Variants in FOXP2 observed in about 807,000 individuals in gnomAD.
FOXP2 encodes the protein forkhead box P2, also known as forkhead box protein P2.
A neutral mutation model predicts 115.8 loss-of-function variants in FOXP2; 12 were observed. The ratio of observed to expected loss-of-function variants is 0.10; its 90% CI spans 0.07 to 0.17. The LOEUF is 0.17. Among genes scored for constraint, FOXP2 ranks in the 10% least tolerant of loss-of-function variants. The pLI is 1.00. For synonymous variants in FOXP2, 328 were observed against 297.7 expected, an observed-to-expected ratio of 1.10 and a Z score of -1.05; for missense variants, 629 against 843.5, an observed-to-expected ratio of 0.75 and a Z score of 3.15.
chr7:114,443,429 A>G (rs186208330), intron 2 of FOXP2, among the ~76,000 whole-genome samples: 57 of 151,942 alleles, frequency 3.8e-4, no homozygotes, highest in African/African-American at 1.4e-3. Flanking sequence ...GTTTTTTTTT[A>G]AAGTTTTATT....
At position 114,691,190 on chromosome 7, in the gene FOXP2, G is replaced by A; in HGVS notation, c.*1264G>A. On this transcript the variant is annotated 3_prime_UTR_variant, in exon 17 of 17. Transcript: ENST00000350908. ...CATTCAGTCAGTTATTTTCAGTGGT[G>A]AATACATGTTGTTAGAAGATGTCTT... 2.2e-6 allele frequency: 1 copy of A among 453,944 alleles called. No homozygotes were observed. Among genetic ancestry groups the A allele is most frequent in the South Asian group, 1.6e-5 (1 of 64,460 alleles). The allele number at this position is 453,944 out of a possible 1,614,324, so 28.1% of individuals were successfully genotyped here. A position where few individuals can be genotyped will look rare whatever the true frequency, so the allele number is the denominator to read the frequency against.
intron 8 of FOXP2, among the ~76,000 whole-genome samples, chr7:114,649,933 T>C (rs1277010194): frequency 6.6e-6 from 1 of 152,100 alleles, no homozygotes; most frequent in African/African-American, 2.4e-5. Flanking sequence ...TTGTCACCAA[T>C]GATAATTTAG....
intron 2 of FOXP2, among the ~76,000 whole-genome samples, chr7:114,353,041 T>C (rs902680493): frequency 6.6e-6 from 1 of 152,038 alleles, no homozygotes; most frequent in African/African-American, 2.4e-5. Context: ...CTAATTCCTA[T>C]CAAATGGGAT....
chr7:114,337,832 T>A (rs1797896837), intron 2 of FOXP2, among the ~76,000 whole-genome samples: 1 of 151,292 alleles, frequency 6.6e-6, no homozygotes, highest in Non-Finnish European at 1.5e-5. Context: ...CTCGTTTGCA[T>A]GTTAATCACA....
chr7:114,472,737 A>T (rs768583202), intron 2 of FOXP2, among the ~76,000 whole-genome samples: 1 of 152,150 alleles, frequency 6.6e-6, no homozygotes, highest in Non-Finnish European at 1.5e-5. Context: ...TGCTTTTAAG[A>T]TTTAGTTCAG....
intron 2 of FOXP2, among the ~76,000 whole-genome samples, chr7:114,476,603 G>T (rs538605040): frequency 2.4e-4 from 36 of 151,892 alleles, no homozygotes; most frequent in Non-Finnish European, 7.4e-5. Context: ...GGCTATTCAG[G>T]CTCTTTTTTT....
chr7:114,222,110 T>C lies in FOXP2; in HGVS notation c.-102+59022T>C, dbSNP rs549815378. On this transcript the variant is annotated intron_variant, in intron 1 of 17. Transcript: ENST00000634411. ...AGAGAAATGATCTTCAAGCACAGTATAGTTGTTTGATAGTAATCCTGAATG... is the reference window on the plus strand; with the variant it reads ...AGAGAAATGATCTTCAAGCACAGTACAGTTGTTTGATAGTAATCCTGAATG... 2.6e-5 allele frequency among the ~76,000 whole-genome samples: 4 copies of C among 152,264 alleles called. No homozygotes were observed. The South Asian group carries it at 6.2e-4, about 24-fold the overall frequency.
chr7:114,481,978 T>C (rs1429795231), intron 2 of FOXP2, among the ~76,000 whole-genome samples: 1 of 151,306 alleles, frequency 6.6e-6, no homozygotes, highest in East Asian at 1.9e-4. Context: ...GCACTATGGC[T>C]TGTGTTCTGA....
intron 2 of FOXP2, among the ~76,000 whole-genome samples, chr7:114,491,095 T>A (rs983551175): frequency 2.0e-5 from 3 of 152,212 alleles, no homozygotes; most frequent in African/African-American, 7.2e-5. Context: ...ACTTCCACAA[T>A]GGTTGAACTA....
chr7:114,672,108 G>A (rs978481675), intron 16 of FOXP2, among the ~76,000 whole-genome samples: 4 of 152,068 alleles, frequency 2.6e-5, no homozygotes, highest in Non-Finnish European at 2.9e-5. Context: ...CATTATCTTC[G>A]TTTTGAAGAC....
At chr7:114,251,179 A>G (rs1795432412) in intron 1 of FOXP2, among the ~76,000 whole-genome samples, 3 of 151,704 alleles carry the variant, frequency 2.0e-5, no homozygotes. Flanking sequence ...TACCAGTACC[A>G]TGCTGTTTTG....
chr7:114,376,765 T>C (rs962238597), intron 2 of FOXP2, among the ~76,000 whole-genome samples: 1 of 152,200 alleles, frequency 6.6e-6, no homozygotes, highest in Non-Finnish European at 1.5e-5. Context: ...GATAACCTAT[T>C]GCCTTTGCAA....
chr7:114,132,582 T>TGA (rs35572133), intron 1 of FOXP2, among the ~76,000 whole-genome samples: 30 of 55,988 alleles, frequency 5.4e-4, no homozygotes, highest in African/African-American at 2.0e-3. Context: ...TGTGTGTGTG[T>TGA]GAGAGAGAGA....
chr7:114,404,607 C>G (rs1170381363), intron 2 of FOXP2, among the ~76,000 whole-genome samples: 1 of 152,002 alleles, frequency 6.6e-6, no homozygotes, highest in Admixed American at 6.5e-5. Context: ...ATCAAAATCG[C>G]CTTTTTAAAA....
At chr7:114,249,748 T>G (rs140362804) in intron 1 of FOXP2, among the ~76,000 whole-genome samples, 1 of 152,272 alleles carries the variant, frequency 6.6e-6, no homozygotes, top group East Asian at 1.9e-4. Context: ...GATTGCTGGG[T>G]CAAATGGTAT....
At chr7:114,663,971 T>C (rs539184225) in intron 15 of FOXP2, among the ~76,000 whole-genome samples, 3 of 152,316 alleles carry the variant, frequency 2.0e-5, no homozygotes, top group African/African-American at 7.2e-5. Context: ...GCAGAGCAAC[T>C]GCTTATATTA....
intron 5 of FOXP2, chr7:114,630,620 G>C (rs1225630183): frequency 6.4e-6 from 1 of 155,192 alleles, no homozygotes; most frequent in Non-Finnish European, 1.4e-5. Context: ...GCAGGTATCA[G>C]AGCCGTTGTC....
chr7:114,431,236 C>T (rs1794094820), intron 2 of FOXP2, among the ~76,000 whole-genome samples: 1 of 151,862 alleles, frequency 6.6e-6, no homozygotes, highest in Non-Finnish European at 1.5e-5. Context: ...TCTGTATTTG[C>T]ATTCAATCCT....
chr7:114,200,884 T>C (rs1021929176), intron 1 of FOXP2, among the ~76,000 whole-genome samples: 1 of 152,270 alleles, frequency 6.6e-6, no homozygotes, highest in Admixed American at 6.5e-5. Context: ...GTCTGGCCCA[T>C]TGGCTCACGC....
Sources: gnomAD v4.1 joint callset for allele counts (sites outside exome capture counted in the v4.1 genomes callset) on GRCh38, gnomAD v4.1.1 for gene constraint, MANE v1.5 for transcripts, NCBI Gene and HGNC (gene_info 2026-07-23, HGNC 2026-07-21) for gene names.